Variants in MYO3B observed in about 807,000 individuals in gnomAD.
MYO3B encodes myosin-IIIb.
In MYO3B, 156 loss-of-function variants were observed where a neutral mutation model predicts 174.6. The ratio of observed to expected loss-of-function variants is 0.89; its 90% confidence interval spans 0.78 to 1.02. The LOEUF is 1.02. Ranked by LOEUF, MYO3B falls within the 50% of genes least tolerant of loss-of-function variation. The pLI is 0.00. For missense variants in MYO3B, 1,632 were observed against 1,639.4 expected (o/e 1.00, Z 0.08); for synonymous variants, 563 against 569.1 (o/e 0.99, Z 0.15).
At position 170,206,587 on chromosome 2, in the gene MYO3B, T is replaced by C. The variant is rs1035959087; in HGVS notation, c.321+6303T>C. On this transcript the variant is annotated intron_variant, in intron 3 of 34. Coordinates refer to ENST00000408978, the MANE Select transcript of MYO3B (RefSeq NM_138995.5). This position sits in a 1 kb window ranked among gnomAD's most constrained non-coding sequence, Gnocchi z 4.3. ...GGAGGCAACTGATTCTAACCCATTTTGTTAAACTTAAGTCCAGTTGAGTGA... is the reference window on the plus strand; with the variant it reads ...GGAGGCAACTGATTCTAACCCATTTCGTTAAACTTAAGTCCAGTTGAGTGA... 6.6e-6 allele frequency among the ~76,000 whole-genome samples: 1 copy of C among 152,234 alleles called. No individual in the cohort carries two copies. The highest frequency in any genetic ancestry group is 2.4e-5 in the African/African-American group (1 of 41,460).
intron 29 of MYO3B, among the ~76,000 whole-genome samples, chr2:170,518,958 A>G (rs1342399526): frequency 1.3e-5 from 2 of 152,240 alleles, no homozygotes; most frequent in African/African-American, 2.4e-5. Context: ...ACTGTCCTCA[A>G]TCAAAATGTG....
chr2:170,586,501 T>C (rs1212993443), intron 32 of MYO3B, among the ~76,000 whole-genome samples: 1 of 152,236 alleles, frequency 6.6e-6, no homozygotes, highest in African/African-American at 2.4e-5. Flanking sequence ...ATTTAGCAAT[T>C]ACATGTGGAG....
chr2:170,614,141 A>AG (rs1359912354), intron 32 of MYO3B, among the ~76,000 whole-genome samples: 1 of 152,076 alleles, frequency 6.6e-6, no homozygotes, highest in Non-Finnish European at 1.5e-5. Context: ...GGCATAACAA[A>AG]GGGGGCATGG....
intron 32 of MYO3B, among the ~76,000 whole-genome samples, chr2:170,609,439 A>C (rs1024900557): frequency 3.9e-5 from 6 of 152,174 alleles, no homozygotes; most frequent in African/African-American, 1.2e-4. Context: ...CATAACTCAG[A>C]CCTCTGTTGC....
Position 170,214,429 on chromosome 2 carries a change from T to A in MYO3B, c.372T>A (p.Cys124Ter). The A allele has an allele frequency of 1.2e-6, 2 of 1,614,196 alleles. No individual in the cohort carries two copies. The highest frequency in any genetic ancestry group is 1.7e-6 in the Non-Finnish European group (2 of 1,180,020). ...VTELVKGLLR[C>*]GQRLDEAMIS... ...AGCTTGTCAAAGGTCTACTCAGATG[T>A]GGCCAGCGGTTGGATGAAGCAATGA... Residue 124 changes from cysteine to a stop codon, truncating the protein, a stop_gained, in exon 4 of 35, where the codon TGT becomes TGA. Transcript: ENST00000408978. LOFTEE classifies it high-confidence loss of function.
intron 28 of MYO3B, among the ~76,000 whole-genome samples, chr2:170,506,094 C>T (rs1025669620): frequency 1.3e-5 from 2 of 152,174 alleles, no homozygotes; most frequent in African/African-American, 2.4e-5. Flanking sequence ...GAGACTCTGA[C>T]GAGGCTGGCA....
intron 7 of MYO3B, among the ~76,000 whole-genome samples, chr2:170,241,801 C>T (rs930359387): frequency 2.6e-5 from 4 of 152,018 alleles, no homozygotes; most frequent in Non-Finnish European, 5.9e-5. Flanking sequence ...GATCCTTGGG[C>T]TAAATTTTTA....
At chr2:170,361,250 C>T (rs147006502) in intron 8 of MYO3B, among the ~76,000 whole-genome samples, 71 of 152,334 alleles carry the variant, frequency 4.7e-4, no homozygotes, top group African/African-American at 1.6e-3. Flanking sequence ...TAAAGGGTGG[C>T]ATTTGAACAT....
intron 32 of MYO3B, among the ~76,000 whole-genome samples, chr2:170,575,776 C>G (rs1354699177): frequency 6.6e-6 from 1 of 152,122 alleles, no homozygotes; most frequent in Non-Finnish European, 1.5e-5. Flanking sequence ...AATACATATT[C>G]TATACTTTAA....
intron 3 of MYO3B, among the ~76,000 whole-genome samples, chr2:170,203,321 A>G (rs1214206410): frequency 6.6e-6 from 1 of 152,180 alleles, no homozygotes; most frequent in Non-Finnish European, 1.5e-5. Context: ...TGCATGAATC[A>G]AGTGTTCTAC....
At chr2:170,356,212 C>T (rs1246126857) in intron 8 of MYO3B, among the ~76,000 whole-genome samples, 6 of 151,960 alleles carry the variant, frequency 3.9e-5, no homozygotes, top group Non-Finnish European at 5.9e-5. Context: ...CCGCCCACCT[C>T]GGCCTCCCAA....
intron 1 of MYO3B, among the ~76,000 whole-genome samples, chr2:170,179,179 G>A (rs1473241205): frequency 3.3e-5 from 5 of 152,120 alleles, no homozygotes; most frequent in Non-Finnish European, 7.3e-5. Flanking sequence ...AAACCTGCAC[G>A]TCCTGCACAT....
chr2:170,280,755 T>G (rs2093502245), intron 7 of MYO3B, among the ~76,000 whole-genome samples: 1 of 152,184 alleles, frequency 6.6e-6, no homozygotes. Context: ...TTGCTTGGTT[T>G]TGTCGGCTTT....
chr2:170,534,047 T>C (rs144519830), intron 30 of MYO3B, among the ~76,000 whole-genome samples: 37 of 152,362 alleles, frequency 2.4e-4, no homozygotes, highest in Non-Finnish European at 4.6e-4. Context: ...GAAAATACTT[T>C]TACTAAATAA....
intron 25 of MYO3B, among the ~76,000 whole-genome samples, chr2:170,478,819 G>A (rs1685484330): frequency 6.9e-6 from 1 of 145,032 alleles, no homozygotes; most frequent in African/African-American, 2.5e-5. Context: ...GATCTCGGAG[G>A]TCTTGGCCTC....
chr2:170,580,463 C>A (rs1693060013), intron 32 of MYO3B, among the ~76,000 whole-genome samples: 1 of 152,130 alleles, frequency 6.6e-6, no homozygotes, highest in South Asian at 2.1e-4. Context: ...CATGGCAAAA[C>A]CCCGTCTCTA....
chr2:170,625,738 A>T (rs1696359047), intron 32 of MYO3B, among the ~76,000 whole-genome samples: 1 of 152,144 alleles, frequency 6.6e-6, no homozygotes, highest in Admixed American at 6.5e-5. Flanking sequence ...TGTCCCAGAG[A>T]TTCTGGTATG....
At chr2:170,547,261 C>T (rs1575146528) in intron 32 of MYO3B, among the ~76,000 whole-genome samples, 2 of 150,486 alleles carry the variant, frequency 1.3e-5, no homozygotes, top group South Asian at 4.2e-4. Flanking sequence ...ACCTGGGAGG[C>T]GGAGCTTGCA....
intron 8 of MYO3B, chr2:170,347,906 C>G (rs2094029672): frequency 6.6e-6 from 1 of 152,234 alleles, no homozygotes; most frequent in Admixed American, 6.5e-5. Context: ...CTCCTCATTT[C>G]CTTCTCCCCT....
Sources: gnomAD v4.1 joint callset for allele counts (sites outside exome capture counted in the v4.1 genomes callset) on GRCh38, gnomAD v4.1.1 for gene constraint, Gnocchi (gnomAD v3.1) non-coding constraint, MANE v1.5 for transcripts, NCBI Gene and HGNC (gene_info 2026-07-23, HGNC 2026-07-21) for gene names.